Variants in TTYH3 observed in about 807,000 individuals in gnomAD.
The protein encoded by TTYH3 is protein tweety homolog 3.
TTYH3 carries 23 observed loss-of-function variants against 68.2 expected under a neutral mutation model. The ratio of observed to expected loss-of-function variants is 0.34; its 90% CI spans 0.24 to 0.48. The LOEUF (loss-of-function observed/expected upper bound fraction) is 0.48. Ranked by LOEUF, TTYH3 falls within the 20% of genes least tolerant of loss-of-function variation. The pLI, the probability that TTYH3 is intolerant of heterozygous loss-of-function variation, is 0.99. For synonymous variants in TTYH3, 360 were observed against 332.8 expected, an observed-to-expected ratio of 1.08 and a Z score of -0.89; for missense variants, 768 against 727.7, an observed-to-expected ratio of 1.06 and a Z score of -0.64.
At chr7:2,639,549 C>T (rs922271901) in intron 1 of TTYH3, among the ~76,000 whole-genome samples, 2 of 152,238 alleles carry the variant, frequency 1.3e-5, no homozygotes, top group Non-Finnish European at 2.9e-5. Context: ...TGGGCCCCAG[C>T]ACCCAGCGCA....
chr7:2,649,790 C>A (rs1786111090), intron 6 of TTYH3, 123 bp from the exon 7 acceptor site: 2 of 1,421,170 alleles, frequency 1.4e-6, no homozygotes, highest in African/African-American at 1.4e-5. Flanking sequence ...CCACCTGTAA[C>A]CCCAGATTCA....
chr7:2,633,420 C>G (rs914323437), intron 1 of TTYH3, among the ~76,000 whole-genome samples: 3 of 152,166 alleles, frequency 2.0e-5, no homozygotes, highest in African/African-American at 7.2e-5. Flanking sequence ...CTCCCAGCCT[C>G]GCGCTCACTT....
At chr7:2,657,842 G>A (rs1006558861) in intron 11 of TTYH3, among the ~76,000 whole-genome samples, 11 of 152,326 alleles carry the variant, frequency 7.2e-5, no homozygotes, top group Middle Eastern at 3.4e-3. Context: ...CCAGAGGCTC[G>A]CGCAGAGTGG....
chr7:2,661,795 C>G lies in TTYH3; in HGVS notation c.*56C>G, dbSNP rs751317984. ...CCAACTTCCCCTCCCCGTGCCAGCA[C>G]TGCCGCTTCCACCTGGGCCACCCAC... On this transcript the variant is annotated 3_prime_UTR_variant, in exon 14 of 14. Transcript: ENST00000258796. 1 of 1,550,348 alleles carries G rather than the reference C, an allele frequency of 6.5e-7. No homozygotes were observed. The highest frequency in any genetic ancestry group is 8.7e-7 in the Non-Finnish European group (1 of 1,146,006).
At chr7:2,659,059 TGGGGGTCC>T in intron 13 of TTYH3, 44 bp downstream of exon 13, 1 of 1,553,534 alleles carries the variant, frequency 6.4e-7, no homozygotes, top group South Asian at 1.1e-5. Flanking sequence ...TGCTCAGCCT[TGGGGGTCC>T]GCTGTTCCAC....
At chr7:2,649,512 G>A (rs1051237337) in intron 5 of TTYH3, 55 bp from the exon 6 acceptor site, 13 of 1,521,048 alleles carry the variant, frequency 8.5e-6, no homozygotes, top group Non-Finnish European at 1.1e-5. Flanking sequence ...AGCCCAGCAG[G>A]TGGCACGGCC....
rs1157771629 is a variant in TTYH3, at chr7:2,645,945, G to C, written c.124-908G>C. The C allele has an allele frequency of 6.7e-6, 3 of 444,886 alleles. No individual in the cohort carries two copies. The highest frequency in any genetic ancestry group is 1.4e-5 in the Non-Finnish European group (3 of 213,600). The allele number at this position is 444,886 out of a possible 1,614,324, so 27.6% of individuals were successfully genotyped here. On this transcript the variant is annotated intron_variant, in intron 1 of 13. Transcript: ENST00000258796. This position sits in a 1 kb window ranked among gnomAD's most constrained non-coding sequence, Gnocchi z 4.8. ...CTCTGGGGTCCTGGGGCTGTCTCGGGCTGGGGGTGAGGACAGTAGCTGATG... is the reference window on the plus strand; with the variant it reads ...CTCTGGGGTCCTGGGGCTGTCTCGGCCTGGGGGTGAGGACAGTAGCTGATG...
intron 1 of TTYH3, among the ~76,000 whole-genome samples, chr7:2,643,001 T>G (rs1785890126): frequency 6.7e-6 from 1 of 148,948 alleles, no homozygotes; most frequent in Non-Finnish European, 1.5e-5. Flanking sequence ...AGGCGGAGGT[T>G]TCAGTGAGTC....
chr7:2,648,246 A>G, intron 5 of TTYH3, 192 bp downstream of exon 5: 2 of 591,942 alleles, frequency 3.4e-6, no homozygotes, highest in South Asian at 4.1e-5. Flanking sequence ...CCCTGTGGCC[A>G]GCATCCCAGC....
chr7:2,656,639 G>A, intron 11 of TTYH3, 105 bp downstream of exon 11: 1 of 1,399,520 alleles, frequency 7.1e-7, no homozygotes, highest in Non-Finnish European at 9.5e-7. Flanking sequence ...TCCCAGAGGT[G>A]AGGGACAGAC....
chr7:2,635,975 G>A (rs1335374665), intron 1 of TTYH3, among the ~76,000 whole-genome samples: 1 of 152,242 alleles, frequency 6.6e-6, no homozygotes, highest in African/African-American at 2.4e-5. Context: ...GGGTCGCTCT[G>A]GTCTGACTGC....
intron 1 of TTYH3, among the ~76,000 whole-genome samples, chr7:2,639,129 G>A (rs539621461): frequency 6.6e-5 from 10 of 152,266 alleles, no homozygotes; most frequent in African/African-American, 2.4e-4. Flanking sequence ...GCTTCCTCTG[G>A]AGGAGGGGCC....
In TTYH3 at chr7:2,649,924, C is replaced by T; in HGVS notation, c.807C>T (p.Asp269=). The T allele has an allele frequency of 1.2e-6, 2 of 1,613,970 alleles. No individual in the cohort carries two copies. Among genetic ancestry groups the T allele is most frequent in the Non-Finnish European group, 1.7e-6 (2 of 1,179,946 alleles). ...LELAVSVGSS[D]FCVDPDAYVT... is the part of the protein sequence containing the mutation. ...CACGCCCACCTCAGGGCTCCAGCGA[C>T]TTCTGTGTGGACCCTGACGCCTACG... Residue 269 remains aspartate (D), a synonymous_variant, in exon 7 of 14, where the codon GAC becomes GAT. Coordinates refer to ENST00000258796, the MANE Select transcript of TTYH3 (RefSeq NM_025250.3).
rs894040125 is a variant in TTYH3, at chr7:2,662,075, G to A, written c.*336G>A. ...CACCCAACCTGTGTTGTTGCCGCCCGGCCCTTCCCTCCACAGCTCTCCTTC... is the reference window on the plus strand; with the variant it reads ...CACCCAACCTGTGTTGTTGCCGCCCAGCCCTTCCCTCCACAGCTCTCCTTC... On this transcript the variant is annotated 3_prime_UTR_variant, in exon 14 of 14. Coordinates refer to ENST00000258796, the MANE Select transcript of TTYH3 (RefSeq NM_025250.3). 9 of 512,132 alleles carry A rather than the reference G, an allele frequency of 1.8e-5. No homozygotes were observed. Among genetic ancestry groups the A allele is most frequent in the Admixed American group, 3.4e-5 (1 of 29,708 alleles). 31.7% of individuals were successfully genotyped at this position (512,132 alleles called of 1,614,324 possible). A position where few individuals can be genotyped will look rare whatever the true frequency, so the allele number is the denominator to read the frequency against.
intron 3 of TTYH3, 60 bp downstream of exon 3, chr7:2,647,313 C>T (rs1786023101): frequency 1.3e-6 from 2 of 1,523,986 alleles, no homozygotes; most frequent in Non-Finnish European, 1.8e-6. Context: ...CCCACGTCTG[C>T]GCGAGGACGG....
At chr7:2,650,178 C>T (rs1369118995) in intron 7 of TTYH3, among the ~76,000 whole-genome samples, 190 bp downstream of exon 7, 4 of 152,252 alleles carry the variant, frequency 2.6e-5, no homozygotes, top group Non-Finnish European at 5.9e-5. Flanking sequence ...CAAAGAATGA[C>T]AGGAACTATG....
In TTYH3 at chr7:2,652,991, G is replaced by T; in HGVS notation, c.1001G>T (p.Trp334Leu). ...GCTGAGCTTCTGAGGACCGTCCCCTGGGAGCAGCCGGCCACTAAGGTGAGG... is the reference window on the plus strand; with the variant it reads ...GCTGAGCTTCTGAGGACCGTCCCCTTGGAGCAGCCGGCCACTAAGGTGAGG... ...VVAELLRTVP[W>L]EQPATKDPLL... Residue 334 changes from tryptophan (W) to leucine (L), a missense_variant, in exon 9 of 14, where the codon TGG becomes TTG. Trp to Leu is a moderately conservative substitution (Grantham distance 61). Coordinates refer to ENST00000258796, the MANE Select transcript of TTYH3 (RefSeq NM_025250.3). 6.4e-7 allele frequency: 1 copy of T among 1,572,480 alleles called. No homozygotes were observed. The highest frequency in any genetic ancestry group is 8.6e-7 in the Non-Finnish European group (1 of 1,159,034).
chr7:2,660,817 C>T (rs569276914), intron 13 of TTYH3, among the ~76,000 whole-genome samples: 170 of 152,298 alleles, frequency 1.1e-3, no homozygotes, highest in African/African-American at 3.7e-3. Context: ...TCCTCACTGC[C>T]GCCGGCCCCT....
intron 1 of TTYH3, among the ~76,000 whole-genome samples, chr7:2,638,355 G>T (rs971049141): frequency 6.6e-6 from 1 of 152,198 alleles, no homozygotes; most frequent in African/African-American, 2.4e-5. Context: ...CCTTGCACGA[G>T]GGGGAGGGCG....
Sources: allele counts gnomAD v4.1 joint callset (sites outside exome capture counted in the v4.1 genomes callset), GRCh38; gene constraint gnomAD v4.1.1; non-coding constraint Gnocchi (gnomAD v3.1); transcripts MANE v1.5; gene names NCBI Gene and HGNC (gene_info 2026-07-23, HGNC 2026-07-21).